The following STX8 variants were observed in gnomAD, a reference collection of about 807,000 sequenced individuals.
STX8 encodes the protein syntaxin 8, also known as syntaxin-8.
STX8 carries 23 observed loss-of-function variants against 37.5 expected under a neutral mutation model. The ratio of observed to expected loss-of-function variants is 0.61; its 90% CI spans 0.44 to 0.87. STX8 has a LOEUF of 0.87. Ranked by LOEUF, STX8 falls within the 40% of genes least tolerant of loss-of-function variation. STX8 has a pLI of 0.00. For synonymous variants in STX8, 115 were observed against 99.1 expected, an observed-to-expected ratio of 1.16 and a Z score of -0.95; for missense variants, 313 against 284.7, an observed-to-expected ratio of 1.10 and a Z score of -0.71.
At chr17:9,286,686 CAAA>C (rs34274390) in intron 7 of STX8, among the ~76,000 whole-genome samples, 10 of 82,896 alleles carry the variant, frequency 1.2e-4, no homozygotes, top group Admixed American at 2.6e-4. Context: ...CAAAGGGAAG[CAAA>C]AAAAAAAAAA....
chr17:9,487,005 C>A (rs1597702580), intron 6 of STX8, among the ~76,000 whole-genome samples: 1 of 152,146 alleles, frequency 6.6e-6, no homozygotes, highest in African/African-American at 2.4e-5. Context: ...TTGCCAACGC[C>A]CCTAGTCAGT....
chr17:9,382,424 C>T (rs1168604089), intron 6 of STX8, among the ~76,000 whole-genome samples: 1 of 152,116 alleles, frequency 6.6e-6, no homozygotes, highest in African/African-American at 2.4e-5. Context: ...GGGTATCACG[C>T]AAGATTTTTT....
chr17:9,398,015 A>G (rs1257280289), intron 6 of STX8, among the ~76,000 whole-genome samples: 1 of 151,706 alleles, frequency 6.6e-6, no homozygotes, highest in African/African-American at 2.4e-5. Flanking sequence ...GAAAGAACAA[A>G]CAAAATAACA....
At chr17:9,396,724 A>C (rs1391337118) in intron 6 of STX8, among the ~76,000 whole-genome samples, 1 of 152,068 alleles carries the variant, frequency 6.6e-6, no homozygotes, top group Non-Finnish European at 1.5e-5. Context: ...GAAAAAAAAA[A>C]AAAACAACTC....
At chr17:9,423,157 A>G (rs1462715033) in intron 6 of STX8, among the ~76,000 whole-genome samples, 1 of 152,184 alleles carries the variant, frequency 6.6e-6, no homozygotes, top group Non-Finnish European at 1.5e-5. Context: ...TTCACTTTTC[A>G]TTTTGTACCT....
intron 7 of STX8, among the ~76,000 whole-genome samples, chr17:9,264,892 T>C (rs1020947843): frequency 2.0e-5 from 3 of 151,844 alleles, no homozygotes; most frequent in African/African-American, 7.3e-5. Flanking sequence ...GGTGGGAGGA[T>C]CTCTTGGGCC....
chr17:9,374,202 T>C (rs1911510010), intron 7 of STX8, among the ~76,000 whole-genome samples: 1 of 151,830 alleles, frequency 6.6e-6, no homozygotes, highest in Non-Finnish European at 1.5e-5. Flanking sequence ...CTGCCTCAGC[T>C]TCCCAAGCAA....
intron 7 of STX8, among the ~76,000 whole-genome samples, chr17:9,346,040 T>C (rs939721558): frequency 6.6e-6 from 1 of 151,600 alleles, no homozygotes; most frequent in African/African-American, 2.4e-5. Flanking sequence ...TTAGTACAGA[T>C]GGGGTTTCAC....
chr17:9,468,308 C>T (rs1022633235), intron 6 of STX8, among the ~76,000 whole-genome samples: 8 of 152,096 alleles, frequency 5.3e-5, no homozygotes, highest in African/African-American at 1.9e-4. Flanking sequence ...CGGGGTTTCA[C>T]CATGTTGGCC....
chr17:9,331,861 T>C (rs1378983923), intron 7 of STX8, among the ~76,000 whole-genome samples: 1 of 151,860 alleles, frequency 6.6e-6, no homozygotes, highest in Non-Finnish European at 1.5e-5. Flanking sequence ...ACAAAGACAC[T>C]GCAAACAAAG....
chr17:9,399,192 A>G (rs1408346474), intron 6 of STX8, among the ~76,000 whole-genome samples: 1 of 152,180 alleles, frequency 6.6e-6, no homozygotes, highest in Non-Finnish European at 1.5e-5. Context: ...ATATATCCAC[A>G]TGAACCTCAG....
intron 7 of STX8, among the ~76,000 whole-genome samples, chr17:9,256,886 TC>T (rs1165448377): frequency 6.6e-6 from 1 of 152,128 alleles, no homozygotes; most frequent in African/African-American, 2.4e-5. Flanking sequence ...ACTCATCCAT[TC>T]CCCCAGCTAA....
intron 6 of STX8, among the ~76,000 whole-genome samples, chr17:9,463,926 T>G (rs1222914585): frequency 1.3e-5 from 2 of 149,886 alleles, no homozygotes; most frequent in Admixed American, 1.3e-4. Context: ...AAAAAAAAAT[T>G]TAGCTGGGTG....
intron 6 of STX8, among the ~76,000 whole-genome samples, chr17:9,431,092 G>A (rs34367478): frequency 0.17 from 25,554 of 150,950 alleles, 2,634 homozygotes; most frequent in Middle Eastern, 0.26. Context: ...TCCTGACCTC[G>A]TGATCCACCT....
At chr17:9,299,499 A>T (rs1908689683) in intron 7 of STX8, among the ~76,000 whole-genome samples, 1 of 138,038 alleles carries the variant, frequency 7.2e-6, no homozygotes, top group Non-Finnish European at 1.5e-5. Flanking sequence ...GCTAGAGTGC[A>T]GTGGCGCGAT....
intron 6 of STX8, among the ~76,000 whole-genome samples, chr17:9,379,822 A>G (rs1245747788): frequency 3.3e-5 from 5 of 151,872 alleles, no homozygotes; most frequent in African/African-American, 1.2e-4. Context: ...TACAAAATTA[A>G]TCGGTCATGG....
chr17:9,391,565 TAAC>T (rs1462372195), intron 6 of STX8, among the ~76,000 whole-genome samples: 1 of 151,688 alleles, frequency 6.6e-6, no homozygotes, highest in African/African-American at 2.4e-5. Context: ...GGCTAAACGT[TAAC>T]AACTGGTGAA....
chr17:9,543,947 T>C (rs1906388960), intron 4 of STX8, among the ~76,000 whole-genome samples: 2 of 152,134 alleles, frequency 1.3e-5, no homozygotes. Flanking sequence ...GAAAATCAGT[T>C]TCATTTTCTT....
intron 7 of STX8, among the ~76,000 whole-genome samples, chr17:9,286,130 T>C (rs751992421): frequency 6.6e-6 from 1 of 152,142 alleles, no homozygotes; most frequent in African/African-American, 2.4e-5. Context: ...ATCCAAATGG[T>C]TGAACTCCAA....
Sources: gnomAD v4.1 joint callset for allele counts (sites outside exome capture counted in the v4.1 genomes callset) on GRCh38, gnomAD v4.1.1 for gene constraint, MANE v1.5 for transcripts, NCBI Gene and HGNC (gene_info 2026-07-23, HGNC 2026-07-21) for gene names.